CFHR3: variants seen among roughly 807,000 people sequenced by gnomAD.
The protein encoded by CFHR3 is complement factor H related 3.
A neutral mutation model predicts 36.0 loss-of-function variants in CFHR3; 22 were observed. The observed-to-expected ratio is 0.61, with a 90% CI of 0.44 to 0.87. The LOEUF (loss-of-function observed/expected upper bound fraction) is 0.87. Among genes scored for constraint, CFHR3 ranks in the 40% least tolerant of loss-of-function variants. CFHR3 has a pLI of 0.00. For synonymous variants in CFHR3, 97 were observed against 137.4 expected (o/e 0.71, Z 2.06); for missense variants, 276 against 401.3 (o/e 0.69, Z 2.67).
rs1054134542 is a variant in CFHR3, at chr1:196,792,781, G to C, written c.797-536G>C. Among the ~76,000 whole-genome samples, 13 of 85,146 alleles carry C rather than the reference G, an allele frequency of 1.5e-4. 3 individuals carry two copies. The highest frequency in any genetic ancestry group is 2.8e-4 in the Non-Finnish European group (12 of 43,530). 55.9% of individuals were successfully genotyped at this position (85,146 alleles called of 152,430 possible). ...CTGATAGATATTGAGGTATATTTAT[G>C]TATGTATGTATGTATGTATATATAG... is the stretch of plus-strand genomic sequence containing the variant. On this transcript the variant is annotated intron_variant, in intron 5 of 5. Transcript: ENST00000367425.
intron 1 of CFHR3, 124 bp downstream of exon 1, chr1:196,775,068 G>A: frequency 1.2e-6 from 1 of 845,320 alleles, no homozygotes; most frequent in South Asian, 1.9e-5. Flanking sequence ...GCTAGTAGAA[G>A]TGACATATTT....
chr1:196,793,679 A>G lies in CFHR3; in HGVS notation c.*166A>G. On this transcript the variant is annotated 3_prime_UTR_variant, in exon 6 of 6. Transcript: ENST00000367425. ...ATTTGCAACTTAATATATTCTCAAA[A>G]ATATATTAAAACAAACTAAATTATT... 1.6e-6 allele frequency: 1 copy of G among 644,206 alleles called. No homozygotes were observed. The highest frequency in any genetic ancestry group is 2.3e-5 in the South Asian group (1 of 42,584). The allele number at this position is 644,206 out of a possible 1,614,324, so 39.9% of individuals were successfully genotyped here.
At chr1:196,784,202 T>C (rs1346011506) in intron 3 of CFHR3, among the ~76,000 whole-genome samples, 1 of 136,506 alleles carries the variant, frequency 7.3e-6, no homozygotes, top group African/African-American at 3.1e-5. Context: ...TTACATTTGC[T>C]GAGGAGAGCT....
intron 5 of CFHR3, 38 bp from the exon 6 acceptor site, chr1:196,793,279 G>C: frequency 1.4e-6 from 2 of 1,457,022 alleles, no homozygotes; most frequent in South Asian, 2.6e-5. Flanking sequence ...TCATGAAAGA[G>C]AAAATTATGA....
rs1654394430 is a variant in CFHR3 at position 196,790,737 on chromosome 1, A to G, written c.796+510A>G. 2.4e-5 allele frequency among the ~76,000 whole-genome samples: 2 copies of G among 83,410 alleles called. 1 individual carries two copies. The highest frequency in any genetic ancestry group is 1.4e-4 in the African/African-American group (2 of 14,214). 54.7% of individuals were successfully genotyped at this position (83,410 alleles called of 152,430 possible). A position where few individuals can be genotyped will look rare whatever the true frequency, so the allele number is the denominator to read the frequency against. ...AGACCCCATCTCCAAAAATAAAAAA[A>G]TAATAAATAAATAAATAAATAAATA... On this transcript the variant is annotated intron_variant, in intron 5 of 5. Coordinates refer to ENST00000367425, the MANE Select transcript of CFHR3 (RefSeq NM_021023.6).
rs1298234427 is a variant in CFHR3, at chr1:196,794,445, A to G, written c.*932A>G. 2 of 351,386 alleles carry G rather than the reference A, an allele frequency of 5.7e-6. 1 individual carries two copies. Among genetic ancestry groups the G allele is most frequent in the African/African-American group, 5.5e-5 (2 of 36,260 alleles). 21.8% of individuals were successfully genotyped at this position (351,386 alleles called of 1,614,324 possible). The stretch of plus-strand genomic sequence containing the variant: ...GCCACTGCACTCCAGCCTGGGCAAT[A>G]GAGTGAGACTCTGTCTTAAAAATAA... On this transcript the variant is annotated 3_prime_UTR_variant, in exon 6 of 6. Coordinates refer to ENST00000367425, the MANE Select transcript of CFHR3 (RefSeq NM_021023.6).
intron 3 of CFHR3, among the ~76,000 whole-genome samples, chr1:196,783,013 GC>G: frequency 7.3e-6 from 1 of 137,094 alleles, no homozygotes; most frequent in Middle Eastern, 3.8e-3. Flanking sequence ...TTAGCATGAA[GC>G]GTTGTTGAAT....
At position 196,783,139 on chromosome 1, in the gene CFHR3, C is replaced by T. The variant is rs537414232; in HGVS notation, c.430+3166C>T. On this transcript the variant is annotated intron_variant, in intron 3 of 5. Transcript: ENST00000367425. Reference sequence around the variant, plus strand: ...TGCGTATATTGAACTAGCCTTGCATCCCCGGGATGAAGACCACTTGATCAT... The same window carrying T: ...TGCGTATATTGAACTAGCCTTGCATTCCCGGGATGAAGACCACTTGATCAT... 7.6e-4 allele frequency among the ~76,000 whole-genome samples: 104 copies of T among 136,492 alleles called. 18 individuals are homozygous for T. The highest frequency in any genetic ancestry group is 1.2e-3 in the Non-Finnish European group (80 of 64,492). The allele number at this position is 136,492 out of a possible 152,430, so 89.5% of individuals were successfully genotyped here.
Position 196,793,709 on chromosome 1 carries a change from A to T in CFHR3, c.*196A>T. On this transcript the variant is annotated 3_prime_UTR_variant, in exon 6 of 6. Coordinates refer to ENST00000367425, the MANE Select transcript of CFHR3 (RefSeq NM_021023.6). ...ATTAAAACAAACTAAATTATTGCTT[A>T]TGCTTGTACTAAAATAATAAAAACT... is the stretch of plus-strand genomic sequence containing the variant. 1 of 484,886 alleles carries T rather than the reference A, an allele frequency of 2.1e-6. No individual in the cohort carries two copies. Among genetic ancestry groups the T allele is most frequent in the Non-Finnish European group, 3.4e-6 (1 of 290,582 alleles). The allele number at this position is 484,886 out of a possible 1,614,324, so 30.0% of individuals were successfully genotyped here.
At chr1:196,788,512 T>C (rs1654300305) in intron 4 of CFHR3, 114 bp downstream of exon 4, 1 of 1,407,294 alleles carries the variant, frequency 7.1e-7, no homozygotes, top group Non-Finnish European at 9.6e-7. Flanking sequence ...GAGATACAAA[T>C]ACTTCTAAAA....
Position 196,793,498 on chromosome 1 carries a change from C to G in CFHR3, c.978C>G (p.Tyr326Ter), listed in dbSNP as rs758807242. The G allele has an allele frequency of 6.6e-7, 1 of 1,524,474 alleles. No individual in the cohort carries two copies. The highest frequency in any genetic ancestry group is 8.9e-7 in the Non-Finnish European group (1 of 1,127,560). The allele number at this position is 1,524,474 out of a possible 1,614,324, so 94.4% of individuals were successfully genotyped here. Residue 326 changes from tyrosine (Y) to a stop codon, truncating the protein, a stop_gained, in exon 6 of 6, where the codon TAC (tyrosine) becomes TAG (stop). Transcript: ENST00000367425. LOFTEE classifies it high-confidence loss of function. ...TGTGTCGGGAAGGGATAGTGGAATA[C>G]CCCAGATGCGAATAAGGCAGCATTG... Reference protein sequence around the residue: ...QAVCREGIVEYPRCE With the variant: ...QAVCREGIVE
Position 196,784,943 on chromosome 1 carries a change from A to G in CFHR3, c.431-3273A>G, listed in dbSNP as rs1318068110. Among the ~76,000 whole-genome samples the G allele has an allele frequency of 2.5e-4, 34 of 136,304 alleles. 2 individuals carry two copies. Among genetic ancestry groups the G allele is most frequent in the African/African-American group, 8.9e-4 (29 of 32,444 alleles). 89.4% of individuals were successfully genotyped at this position (136,304 alleles called of 152,430 possible). A position where few individuals can be genotyped will look rare whatever the true frequency, so the allele number is the denominator to read the frequency against. On this transcript the variant is annotated intron_variant, in intron 3 of 5. Transcript: ENST00000367425. ...GCATGATTTTGCAGTGGCTGGTACC[A>G]GTTGTTCCTTTCCATGTTTAGTGCT...
At chr1:196,775,309 T>C (rs1573102580) in intron 1 of CFHR3, among the ~76,000 whole-genome samples, 3 of 136,806 alleles carry the variant, frequency 2.2e-5, no homozygotes, top group African/African-American at 9.1e-5. Flanking sequence ...AAGGGGAACA[T>C]TGGGAGTGAC....
At chr1:196,790,570 A>G (rs1197724767) in intron 5 of CFHR3, among the ~76,000 whole-genome samples, 3 of 135,134 alleles carry the variant, frequency 2.2e-5, no homozygotes, top group African/African-American at 9.4e-5. Flanking sequence ...CAAAAAATAC[A>G]AAAATTAGCC....
intron 4 of CFHR3, chr1:196,788,689 TA>T: frequency 6.9e-7 from 1 of 1,454,410 alleles, no homozygotes; most frequent in South Asian, 1.3e-5. Flanking sequence ...CAAAATATGT[TA>T]GTTGCCAATA....
At chr1:196,777,987 A>ATT (rs1653797551) in intron 1 of CFHR3, among the ~76,000 whole-genome samples, 1 of 124,396 alleles carries the variant, frequency 8.0e-6, no homozygotes, top group Non-Finnish European at 1.6e-5. Flanking sequence ...ACTGTTAAAA[A>ATT]AAAAAAAAAA....
chr1:196,783,143 G>C (rs983591925), intron 3 of CFHR3, among the ~76,000 whole-genome samples: 1 of 136,238 alleles, frequency 7.3e-6, no homozygotes, highest in South Asian at 2.6e-4. Context: ...TTGCATCCCC[G>C]GGATGAAGAC....
chr1:196,777,668 A>G (rs1653777878), intron 1 of CFHR3, among the ~76,000 whole-genome samples: 1 of 136,546 alleles, frequency 7.3e-6, no homozygotes, highest in Non-Finnish European at 1.6e-5. Context: ...AACTCACTAC[A>G]GTTTCGAAAT....
intron 3 of CFHR3, among the ~76,000 whole-genome samples, chr1:196,787,582 T>C (rs1275568965): frequency 7.3e-6 from 1 of 137,114 alleles, no homozygotes; most frequent in Non-Finnish European, 1.5e-5. Context: ...CCATTAGTAA[T>C]GTATAGAACA....
Sources: gnomAD v4.1 joint callset for allele counts (sites outside exome capture counted in the v4.1 genomes callset) on GRCh38, gnomAD v4.1.1 for gene constraint, MANE v1.5 for transcripts, NCBI Gene and HGNC (gene_info 2026-07-23, HGNC 2026-07-21) for gene names.